PDCD10: variants seen among roughly 807,000 people sequenced by gnomAD.
PDCD10 encodes the protein programmed cell death 10.
PDCD10 carries 4 observed loss-of-function variants against 29.2 expected under a neutral mutation model. The ratio of observed to expected loss-of-function variants is 0.14; its 90% CI spans 0.07 to 0.31. The LOEUF (loss-of-function observed/expected upper bound fraction) is 0.31. Ranked by LOEUF, PDCD10 falls within the 10% of genes least tolerant of loss-of-function variation. The pLI is 1.00. For missense variants in PDCD10, 183 were observed against 257.9 expected, an observed-to-expected ratio of 0.71 and a Z score of 1.99; for synonymous variants, 70 against 82.2, an observed-to-expected ratio of 0.85 and a Z score of 0.80.
At chr3:167,711,570 G>A (rs1318375095) in intron 3 of PDCD10, among the ~76,000 whole-genome samples, 1 of 152,086 alleles carries the variant, frequency 6.6e-6, no homozygotes, top group Non-Finnish European at 1.5e-5. Context: ...TTAAAGAGGA[G>A]GTAGAAAAAG....
chr3:167,695,128 T>C (rs1050201924), intron 6 of PDCD10, among the ~76,000 whole-genome samples: 2 of 152,204 alleles, frequency 1.3e-5, no homozygotes, highest in African/African-American at 2.4e-5. Flanking sequence ...TCTGGCCCCA[T>C]GAGTATTCTT....
intron 6 of PDCD10, among the ~76,000 whole-genome samples, chr3:167,692,219 T>C (rs1720319783): frequency 6.6e-6 from 1 of 152,206 alleles, no homozygotes; most frequent in South Asian, 2.1e-4. Context: ...AGGCCAAACA[T>C]GTTTACTTTA....
chr3:167,720,768 A>T (rs923966013), intron 2 of PDCD10, among the ~76,000 whole-genome samples: 1 of 152,110 alleles, frequency 6.6e-6, no homozygotes, highest in African/African-American at 2.4e-5. Context: ...TTGTTTATTG[A>T]TTTTGTCACC....
chr3:167,690,752 T>C (rs2108385931), intron 6 of PDCD10, among the ~76,000 whole-genome samples: 1 of 152,348 alleles, frequency 6.6e-6, no homozygotes, highest in South Asian at 2.1e-4. Context: ...CTGTTGAATG[T>C]ATGCTAGGTT....
chr3:167,712,083 G>A (rs1722578184), intron 3 of PDCD10, among the ~76,000 whole-genome samples: 1 of 152,144 alleles, frequency 6.6e-6, no homozygotes, highest in Admixed American at 6.6e-5. Flanking sequence ...AAACTCACTG[G>A]TAATAGTAAA....
chr3:167,725,490 C>T (rs1559978262), intron 2 of PDCD10: 1 of 151,692 alleles, frequency 6.6e-6, no homozygotes, highest in Non-Finnish European at 1.5e-5. Context: ...AAAAGGGAGG[C>T]AGAGGAATAG....
chr3:167,696,309 T>C (rs1720801627), intron 5 of PDCD10, among the ~76,000 whole-genome samples: 3 of 152,218 alleles, frequency 2.0e-5, no homozygotes, highest in Admixed American at 6.5e-5. Context: ...GAGACTTCAC[T>C]AGATTCATTG....
chr3:167,709,473 C>G (rs1431311437), intron 3 of PDCD10, among the ~76,000 whole-genome samples: 1 of 152,094 alleles, frequency 6.6e-6, no homozygotes, highest in African/African-American at 2.4e-5. Context: ...AAACTTAGTG[C>G]TGATCAATCA....
intron 2 of PDCD10, among the ~76,000 whole-genome samples, chr3:167,720,538 T>C (rs1236985457): frequency 6.6e-6 from 1 of 151,944 alleles, no homozygotes; most frequent in Non-Finnish European, 1.5e-5. Context: ...CTCAGAGAGC[T>C]CTCTATGAAG....
At chr3:167,686,653 C>G (rs1719656952) in intron 8 of PDCD10, among the ~76,000 whole-genome samples, 1 of 152,116 alleles carries the variant, frequency 6.6e-6, no homozygotes, top group Non-Finnish European at 1.5e-5. Flanking sequence ...CCATCCTAGA[C>G]CTACGAAATC....
At chr3:167,685,058 C>T (rs1429284417) in intron 8 of PDCD10, among the ~76,000 whole-genome samples, 5 of 152,126 alleles carry the variant, frequency 3.3e-5, no homozygotes, top group Admixed American at 3.3e-4. Flanking sequence ...ACTGTGTGGC[C>T]TCAACAGTTT....
intron 8 of PDCD10, among the ~76,000 whole-genome samples, chr3:167,685,176 C>A (rs752802088): frequency 2.0e-5 from 3 of 151,932 alleles, no homozygotes; most frequent in African/African-American, 7.3e-5. Context: ...CTTTGGGAGG[C>A]CAAGGTGGGC....
intron 4 of PDCD10, chr3:167,698,035 T>C (rs960720343): frequency 2.2e-6 from 1 of 455,824 alleles, no homozygotes; most frequent in African/African-American, 2.0e-5. Flanking sequence ...GATGGCAATC[T>C]TTTTGTTTCC....
intron 8 of PDCD10, among the ~76,000 whole-genome samples, chr3:167,685,396 CAAAAAAAAAAA>C (rs1184281849): frequency 1.8e-5 from 1 of 55,978 alleles, no homozygotes; most frequent in Non-Finnish European, 3.3e-5. Flanking sequence ...ACTCTGTCTC[CAAAAAAAAAAA>C]AAAAAAAAAA....
intron 6 of PDCD10, among the ~76,000 whole-genome samples, chr3:167,693,788 T>TA (rs781020722): frequency 2.6e-3 from 359 of 137,626 alleles, no homozygotes; most frequent in African/African-American, 6.9e-3. Context: ...TACTAAAAAT[T>TA]AAAAAAAAAA....
chr3:167,690,971 T>C (rs919109272), intron 6 of PDCD10, among the ~76,000 whole-genome samples: 5 of 152,240 alleles, frequency 3.3e-5, no homozygotes, highest in African/African-American at 1.2e-4. Flanking sequence ...CTTTTTTACT[T>C]GTACTTTGAT....
At chr3:167,696,732 C>A (rs1178421431) in intron 5 of PDCD10, among the ~76,000 whole-genome samples, 3 of 152,200 alleles carry the variant, frequency 2.0e-5, no homozygotes, top group Middle Eastern at 3.4e-3. Context: ...AAAACTGAAA[C>A]TCACCAAACA....
At chr3:167,721,011 G>T (rs1181820779) in intron 2 of PDCD10, among the ~76,000 whole-genome samples, 1 of 151,962 alleles carries the variant, frequency 6.6e-6, no homozygotes, top group Admixed American at 6.6e-5. Context: ...AACAATAAAA[G>T]AAATTTTGCC....
At chr3:167,696,207 T>A (rs1720790845) in intron 5 of PDCD10, among the ~76,000 whole-genome samples, 1 of 152,094 alleles carries the variant, frequency 6.6e-6, no homozygotes, top group African/African-American at 2.4e-5. Flanking sequence ...TAATAAAATC[T>A]TCTACACATT....
Sources: allele counts gnomAD v4.1 joint callset (sites outside exome capture counted in the v4.1 genomes callset), GRCh38; gene constraint gnomAD v4.1.1; transcripts MANE v1.5; gene names NCBI Gene and HGNC (gene_info 2026-07-23, HGNC 2026-07-21).